CA10: variants seen among roughly 807,000 people sequenced by gnomAD.
CA10 encodes carbonic anhydrase-related protein 10.
Under a neutral mutation model 44.2 loss-of-function variants are expected in CA10, and 14 were observed. The observed-to-expected ratio is 0.32, with a 90% CI of 0.21 to 0.50. The LOEUF is 0.50. Ranked by LOEUF, CA10 falls within the 20% of genes least tolerant of loss-of-function variation. CA10 has a pLI of 0.99. For synonymous variants in CA10, 159 were observed against 141.6 expected (o/e 1.12, Z -0.87); for missense variants, 350 against 409.7 (o/e 0.85, Z 1.26).
At chr17:51,689,799 C>T (rs1407720790) in intron 4 of CA10, among the ~76,000 whole-genome samples, 2 of 152,038 alleles carry the variant, frequency 1.3e-5, no homozygotes, top group East Asian at 3.8e-4. Flanking sequence ...ATATTTTTAA[C>T]TGACAAATGA....
rs368818090 is a variant in CA10 at position 52,091,830 on chromosome 17, G to C, written c.62-19437C>G. Among the ~76,000 whole-genome samples, 59 of 152,268 alleles carry C rather than the reference G, an allele frequency of 3.9e-4. 2 individuals are homozygous for C. The South Asian group carries it at 0.011, about 29-fold the overall frequency. Reference sequence around the variant, plus strand: ...ATCTCCATGATACAGGGTTTCCTAAGAGGACTTCCTAAGAGGGCTGCACAA... The same window carrying C: ...ATCTCCATGATACAGGGTTTCCTAACAGGACTTCCTAAGAGGGCTGCACAA... On this transcript the variant is annotated intron_variant, in intron 1 of 8. Coordinates refer to ENST00000451037, the MANE Select transcript of CA10 (RefSeq NM_020178.5).
At chr17:51,837,568 C>T (rs946309165) in intron 3 of CA10, among the ~76,000 whole-genome samples, 2 of 152,146 alleles carry the variant, frequency 1.3e-5, no homozygotes, top group Admixed American at 1.3e-4. Context: ...GGAAACCAGG[C>T]CTCCTTTATT....
intron 3 of CA10, among the ~76,000 whole-genome samples, chr17:51,779,426 A>G (rs950033843): frequency 3.3e-5 from 5 of 152,334 alleles, no homozygotes; most frequent in African/African-American, 1.2e-4. Flanking sequence ...TCAATTAGCA[A>G]AACTGCAATG....
At chr17:51,886,799 G>A (rs1980621504) in intron 3 of CA10, among the ~76,000 whole-genome samples, 1 of 152,204 alleles carries the variant, frequency 6.6e-6, no homozygotes, top group African/African-American at 2.4e-5. Context: ...AAGGAAGAGT[G>A]AATTTGTTCT....
In CA10 at chr17:52,158,098, A is replaced by AGCAGCGGCG; in HGVS notation, c.-321_-313dup. 1 of 497,584 alleles carries AGCAGCGGCG rather than the reference A, an allele frequency of 2.0e-6. No homozygotes were observed. Among genetic ancestry groups the AGCAGCGGCG allele is most frequent in the Non-Finnish European group, 3.6e-6 (1 of 275,442 alleles). The allele number at this position is 497,584 out of a possible 1,614,324, so 30.8% of individuals were successfully genotyped here. A position where few individuals can be genotyped will look rare whatever the true frequency, so the allele number is the denominator to read the frequency against. Reference sequence around the variant, plus strand: ...TCGCACCAGCGGCGGAAACCGCACTAGCAGCGGCGGCGGCGGCGGCGGCGG... The same window carrying AGCAGCGGCG: ...TCGCACCAGCGGCGGAAACCGCACTAGCAGCGGCGGCAGCGGCGGCGGCGGCGGCGGCGG... On this transcript the variant is annotated 5_prime_UTR_variant, in exon 1 of 9. Transcript: ENST00000451037.
intron 3 of CA10, among the ~76,000 whole-genome samples, chr17:51,776,489 G>T (rs1487348298): frequency 6.6e-6 from 1 of 152,090 alleles, no homozygotes; most frequent in Non-Finnish European, 1.5e-5. Context: ...TCCCAAAGAT[G>T]ATCATTTCAA....
At chr17:51,856,640 G>T (rs1979058136) in intron 3 of CA10, among the ~76,000 whole-genome samples, 1 of 152,166 alleles carries the variant, frequency 6.6e-6, no homozygotes, top group Admixed American at 6.5e-5. Context: ...AGCTGAATAT[G>T]CCACAATTCC....
chr17:52,063,601 C>A (rs1293936385), intron 2 of CA10, among the ~76,000 whole-genome samples: 2 of 152,092 alleles, frequency 1.3e-5, no homozygotes, highest in Admixed American at 6.6e-5. Context: ...TTAAAAAGAA[C>A]CTGGCAATTT....
At chr17:51,817,710 C>A (rs1409090775) in intron 3 of CA10, among the ~76,000 whole-genome samples, 1 of 152,134 alleles carries the variant, frequency 6.6e-6, no homozygotes, top group African/African-American at 2.4e-5. Context: ...ATGCATGGGG[C>A]AGAAGACCAA....
intron 4 of CA10, among the ~76,000 whole-genome samples, chr17:51,663,236 C>A: frequency 1.3e-5 from 2 of 150,208 alleles, no homozygotes; most frequent in East Asian, 1.9e-4. Context: ...GTTTCGAGAC[C>A]ACTTTTTCTC....
intron 1 of CA10, among the ~76,000 whole-genome samples, chr17:52,114,761 C>T (rs781433482): frequency 1.1e-4 from 16 of 152,250 alleles, no homozygotes; most frequent in African/African-American, 1.9e-4. Flanking sequence ...TCCACTAATA[C>T]GACCTAATTA....
At chr17:51,643,711 A>T (rs910007366) in intron 6 of CA10, among the ~76,000 whole-genome samples, 49 of 152,188 alleles carry the variant, frequency 3.2e-4, no homozygotes, top group Admixed American at 3.0e-3. Context: ...ATTTACCTTC[A>T]ACATAATTTT....
chr17:52,149,174 T>C (rs1417112965), intron 1 of CA10, among the ~76,000 whole-genome samples: 1 of 152,242 alleles, frequency 6.6e-6, no homozygotes, highest in Non-Finnish European at 1.5e-5. Context: ...CTGCCAAATG[T>C]GTTGCAAAGC....
At chr17:51,825,162 C>T (rs1907959473) in intron 3 of CA10, among the ~76,000 whole-genome samples, 1 of 152,186 alleles carries the variant, frequency 6.6e-6, no homozygotes, top group Non-Finnish European at 1.5e-5. Context: ...TCAATCAGAG[C>T]CTCGCTGCAT....
intron 4 of CA10, among the ~76,000 whole-genome samples, chr17:51,741,438 G>A (rs539843644): frequency 2.0e-5 from 3 of 152,126 alleles, no homozygotes; most frequent in Non-Finnish European, 4.4e-5. Context: ...CTCTTTTACA[G>A]TTTCTAATGG....
chr17:51,676,116 G>A (rs192217589), intron 4 of CA10, among the ~76,000 whole-genome samples: 3 of 152,316 alleles, frequency 2.0e-5, no homozygotes, highest in Admixed American at 6.5e-5. Context: ...GTTTGAGTAC[G>A]TGTTTTCAGT....
chr17:51,960,357 A>G (rs372813132), intron 2 of CA10, among the ~76,000 whole-genome samples: 5 of 152,008 alleles, frequency 3.3e-5, no homozygotes, highest in Non-Finnish European at 7.4e-5. Context: ...ATAGCTAAAA[A>G]CTTCTCAAAT....
At chr17:51,673,974 C>G (rs537597516) in intron 4 of CA10, among the ~76,000 whole-genome samples, 42 of 152,316 alleles carry the variant, frequency 2.8e-4, no homozygotes, top group African/African-American at 8.7e-4. Context: ...GTCCTTCCCC[C>G]CCAGGTTCAT....
rs1015130880 is a variant in CA10 at position 52,151,123 on chromosome 17, C to T, written c.61+6603G>A. Among the ~76,000 whole-genome samples the T allele has an allele frequency of 5.8e-4, 88 of 152,120 alleles. 1 individual carries two copies. Among genetic ancestry groups the T allele is most frequent in the Admixed American group, 2.0e-3 (31 of 15,282 alleles). On this transcript the variant is annotated intron_variant, in intron 1 of 8. Coordinates refer to ENST00000451037, the MANE Select transcript of CA10 (RefSeq NM_020178.5). ...ATTAAGTTGCACACAAACCTGATTA[C>T]GTCATTTTCCTTAGCTCCCCATTAG...
Sources: gnomAD v4.1 joint callset for allele counts (sites outside exome capture counted in the v4.1 genomes callset) on GRCh38, gnomAD v4.1.1 for gene constraint, MANE v1.5 for transcripts, NCBI Gene and HGNC (gene_info 2026-07-23, HGNC 2026-07-21) for gene names.